The following SHISA6 variants were observed in gnomAD, a reference collection of about 807,000 sequenced individuals.
The protein encoded by SHISA6 is protein shisa-6.
In SHISA6, 22 loss-of-function variants were observed where a neutral mutation model predicts 47.9. That is an observed-to-expected ratio of 0.46 (90% confidence interval 0.33 to 0.66). The LOEUF (loss-of-function observed/expected upper bound fraction) is 0.66, where lower values mean the gene tolerates loss of function less well. Among genes scored for constraint, SHISA6 ranks in the 30% least tolerant of loss-of-function variants. SHISA6 has a pLI of 0.02. For missense variants in SHISA6, 680 were observed against 764.6 expected (o/e 0.89, Z 1.30); for synonymous variants, 388 against 337.8 (o/e 1.15, Z -1.63).
intron 2 of SHISA6, among the ~76,000 whole-genome samples, chr17:11,315,230 A>C (rs1910466671): frequency 6.6e-6 from 1 of 152,050 alleles, no homozygotes; most frequent in Non-Finnish European, 1.5e-5. Flanking sequence ...AAATAAATGG[A>C]GTTATTTTTC....
At chr17:11,336,016 T>C (rs574371785) in intron 2 of SHISA6, among the ~76,000 whole-genome samples, 2 of 149,336 alleles carry the variant, frequency 1.3e-5, no homozygotes, top group South Asian at 2.1e-4. Context: ...GGCTAAAACA[T>C]GGTGAAACCC....
chr17:11,287,157 G>T (rs969377325), intron 2 of SHISA6, among the ~76,000 whole-genome samples: 26 of 151,992 alleles, frequency 1.7e-4, no homozygotes, highest in Non-Finnish European at 1.3e-4. Context: ...TTACTTGGGA[G>T]GCTGAGGTGG....
chr17:11,430,843 G>A (rs1427301955), intron 3 of SHISA6, among the ~76,000 whole-genome samples: 1 of 150,628 alleles, frequency 6.6e-6, no homozygotes, highest in Non-Finnish European at 1.5e-5. Flanking sequence ...AAGAGAGCAG[G>A]AGAAGTGTTA....
intron 3 of SHISA6, among the ~76,000 whole-genome samples, chr17:11,434,211 G>C (rs1914872387): frequency 6.6e-6 from 1 of 151,676 alleles, no homozygotes; most frequent in African/African-American, 2.4e-5. Flanking sequence ...TTACAGATGC[G>C]TGCCACCACA....
intron 2 of SHISA6, among the ~76,000 whole-genome samples, chr17:11,282,193 G>A (rs1050386006): frequency 1.6e-4 from 24 of 152,026 alleles, no homozygotes; most frequent in African/African-American, 5.8e-4. Context: ...TAACCTAAGT[G>A]CGTCTGCAGG....
At chr17:11,557,290 G>A (rs967120946) in intron 5 of SHISA6, among the ~76,000 whole-genome samples, 10 of 152,214 alleles carry the variant, frequency 6.6e-5, no homozygotes, top group Non-Finnish European at 1.5e-4. Flanking sequence ...CTGCTATTTG[G>A]ATGTTTTAGT....
chr17:11,446,230 G>A (rs186749958), intron 3 of SHISA6, among the ~76,000 whole-genome samples: 3 of 152,330 alleles, frequency 2.0e-5, no homozygotes, highest in South Asian at 2.1e-4. Flanking sequence ...AGGGAAGAGC[G>A]TAGGTCAAAG....
At chr17:11,263,915 C>G (rs1908335332) in intron 2 of SHISA6, among the ~76,000 whole-genome samples, 1 of 152,176 alleles carries the variant, frequency 6.6e-6, no homozygotes, top group South Asian at 2.1e-4. Flanking sequence ...CAATGTAGAG[C>G]CTGCTCAACT....
At chr17:11,383,129 G>C (rs973216014) in intron 3 of SHISA6, among the ~76,000 whole-genome samples, 2 of 151,858 alleles carry the variant, frequency 1.3e-5, no homozygotes, top group Non-Finnish European at 2.9e-5. Flanking sequence ...GTAGAGACAG[G>C]GCTTCACCAT....
At position 11,403,460 on chromosome 17, in the gene SHISA6, C is replaced by T. The variant is rs561598910; in HGVS notation, c.895+23951C>T. ...CCCTGGAAGTTTTTCTAGGGGAACA[C>T]AACAAAATTGCTGGCCCCATTATTG... On this transcript the variant is annotated intron_variant, in intron 3 of 5. Coordinates refer to ENST00000441885, the MANE Select transcript of SHISA6 (RefSeq NM_207386.4). Among the ~76,000 whole-genome samples, 10 of 152,292 alleles carry T rather than the reference C, an allele frequency of 6.6e-5. No homozygotes were observed. In the South Asian group the frequency reaches 1.9e-3, roughly 28 times the overall value.
intron 1 of SHISA6, among the ~76,000 whole-genome samples, chr17:11,255,359 GGAA>G (rs1429627968): frequency 6.6e-6 from 1 of 152,090 alleles, no homozygotes; most frequent in Non-Finnish European, 1.5e-5. Flanking sequence ...GGAAAGAAAA[GGAA>G]GAAAGAAAAA....
chr17:11,365,684 A>G (rs1912427223), intron 2 of SHISA6, among the ~76,000 whole-genome samples: 1 of 152,248 alleles, frequency 6.6e-6, no homozygotes, highest in African/African-American at 2.4e-5. Context: ...TCCATTGGCA[A>G]CTATCAACAG....
intron 1 of SHISA6, among the ~76,000 whole-genome samples, chr17:11,256,994 G>T (rs1336318638): frequency 6.6e-6 from 1 of 152,170 alleles, no homozygotes; most frequent in Non-Finnish European, 1.5e-5. Flanking sequence ...GTCCTGCGAC[G>T]TTTATTGGCC....
Position 11,426,632 on chromosome 17 carries a change from A to G in SHISA6, c.895+47123A>G, listed in dbSNP as rs1319674844. ...TCACAGCACTGCAAGAAAATATTAT[A>G]TTTATTTTTGAACCACTCTCAAAAC... On this transcript the variant is annotated intron_variant, in intron 3 of 5. Coordinates refer to ENST00000441885, the MANE Select transcript of SHISA6 (RefSeq NM_207386.4). Among the ~76,000 whole-genome samples the G allele has an allele frequency of 2.6e-5, 4 of 152,220 alleles. No homozygotes were observed. In the East Asian group the frequency reaches 7.7e-4, roughly 29 times the overall value.
intron 3 of SHISA6, among the ~76,000 whole-genome samples, chr17:11,481,159 G>A (rs1567617062): frequency 6.6e-6 from 1 of 151,898 alleles, no homozygotes; most frequent in Admixed American, 6.6e-5. Context: ...TGTGCCTGTA[G>A]TCCCAGCTAC....
intron 3 of SHISA6, among the ~76,000 whole-genome samples, chr17:11,445,240 G>A (rs1046131298): frequency 3.3e-5 from 5 of 151,868 alleles, no homozygotes; most frequent in African/African-American, 9.7e-5. Context: ...CATTTATGAG[G>A]GATCTACCCT....
At chr17:11,292,811 C>T (rs1158151822) in intron 2 of SHISA6, among the ~76,000 whole-genome samples, 1 of 150,716 alleles carries the variant, frequency 6.6e-6, no homozygotes, top group African/African-American at 2.4e-5. Flanking sequence ...AAGCAGGAGC[C>T]ACAATCAGAT....
chr17:11,472,624 T>C (rs1233786416), intron 3 of SHISA6, among the ~76,000 whole-genome samples: 2 of 152,250 alleles, frequency 1.3e-5, no homozygotes, highest in African/African-American at 2.4e-5. Flanking sequence ...ATAAGGCTGC[T>C]GTAAACATCA....
chr17:11,359,877 A>G (rs903422157), intron 2 of SHISA6, among the ~76,000 whole-genome samples: 3 of 152,196 alleles, frequency 2.0e-5, no homozygotes, highest in African/African-American at 7.2e-5. Flanking sequence ...GGGAGTGTAA[A>G]TTAGTTCAAC....
Sources: allele counts gnomAD v4.1 joint callset (sites outside exome capture counted in the v4.1 genomes callset), GRCh38; gene constraint gnomAD v4.1.1; transcripts MANE v1.5; gene names NCBI Gene and HGNC (gene_info 2026-07-23, HGNC 2026-07-21).